UBAP1: variants seen among roughly 807,000 people sequenced by gnomAD.
The protein encoded by UBAP1 is ubiquitin-associated protein 1.
In UBAP1, 5 loss-of-function variants were observed where a neutral mutation model predicts 39.0. The ratio of observed to expected loss-of-function variants is 0.13; its 90% CI spans 0.07 to 0.27. The LOEUF is 0.27. Among genes scored for constraint, UBAP1 ranks in the 10% least tolerant of loss-of-function variants. The pLI, the probability that UBAP1 is intolerant of heterozygous loss-of-function variation, is 1.00. For synonymous variants in UBAP1, 211 were observed against 225.1 expected, an observed-to-expected ratio of 0.94 and a Z score of 0.56; for missense variants, 490 against 608.1, an observed-to-expected ratio of 0.81 and a Z score of 2.04.
chr9:34,200,305 G>A (rs549313112), intron 1 of UBAP1, among the ~76,000 whole-genome samples: 13 of 152,300 alleles, frequency 8.5e-5, no homozygotes, highest in African/African-American at 3.1e-4. Context: ...GCCATTGAGA[G>A]CTCTTTCAGA....
chr9:34,247,863 C>A (rs2131632038), intron 4 of UBAP1, among the ~76,000 whole-genome samples: 1 of 152,238 alleles, frequency 6.6e-6, no homozygotes, highest in South Asian at 2.1e-4. Context: ...TATTCCTATA[C>A]ATAAATATTG....
At chr9:34,200,140 G>A (rs1831288638) in intron 1 of UBAP1, among the ~76,000 whole-genome samples, 2 of 152,054 alleles carry the variant, frequency 1.3e-5, no homozygotes, top group South Asian at 2.1e-4. Flanking sequence ...TGTTTTCCTC[G>A]TAATTAGACT....
chr9:34,227,597 G>A (rs2131594662), intron 2 of UBAP1, among the ~76,000 whole-genome samples: 1 of 152,304 alleles, frequency 6.6e-6, no homozygotes, highest in African/African-American at 2.4e-5. Flanking sequence ...AGCAAATGAA[G>A]TCTTCCCAGA....
chr9:34,241,905 C>T lies in UBAP1; in HGVS notation c.880C>T (p.Arg294Cys), dbSNP rs752462139. ...ASTFHSTSCL[R>C]NGTFQNSLKP... ...CACTTTCCATAGCACATCCTGCCTC[C>T]GCAATGGCACGTTCCAGAATTCCCT... The change falls in exon 4 of 7, where the codon CGC (arginine) becomes TGC (cysteine). Residue 294 changes from arginine to cysteine, a missense_variant. Physicochemically the swap from Arg to Cys is radical, Grantham distance 180. This residue lies in a region of UBAP1 where 339 missense variants were observed against 390.0 expected (regional missense o/e 0.87). Transcript: ENST00000297661. 10 of 1,614,044 alleles carry T rather than the reference C, an allele frequency of 6.2e-6. No homozygotes were observed. Among genetic ancestry groups the T allele is most frequent in the Admixed American group, 3.3e-5 (2 of 59,984 alleles).
intron 1 of UBAP1, chr9:34,201,244 C>T (rs990244095): frequency 6.6e-6 from 1 of 152,054 alleles, no homozygotes; most frequent in Non-Finnish European, 1.5e-5. Flanking sequence ...TAGAAAGTTC[C>T]AAACTCATAA....
chr9:34,182,376 G>T (rs1431912800), intron 1 of UBAP1, among the ~76,000 whole-genome samples: 1 of 151,418 alleles, frequency 6.6e-6, no homozygotes, highest in East Asian at 2.0e-4. Flanking sequence ...GTAGCGACGG[G>T]GTTTCACAAC....
chr9:34,220,945 C>A lies in UBAP1; in HGVS notation c.31C>A (p.His11Asn), dbSNP rs1466695663. MASKKLGADF[H>N]GTFSYLDDVP... is the part of the protein sequence containing the mutation. ...TTCTAAGAAGTTGGGTGCAGATTTT[C>A]ATGGTAAGTGGACTATTAGAATCAT... Residue 11 changes from histidine (H) to asparagine (N), a missense_variant, in exon 2 of 7, where the codon CAT becomes AAT. Physicochemically the swap from His to Asn is moderately conservative, Grantham distance 68. This residue lies in a region of UBAP1 where 144 missense variants were observed against 184.4 expected (regional missense o/e 0.78). Coordinates refer to ENST00000297661, the MANE Select transcript of UBAP1 (RefSeq NM_016525.5). 6.2e-7 allele frequency: 1 copy of A among 1,612,666 alleles called. No homozygotes were observed. Among genetic ancestry groups the A allele is most frequent in the Non-Finnish European group, 8.5e-7 (1 of 1,179,074 alleles).
chr9:34,215,415 A>G (rs1372275014), intron 1 of UBAP1, among the ~76,000 whole-genome samples: 2 of 152,008 alleles, frequency 1.3e-5, no homozygotes, highest in Non-Finnish European at 2.9e-5. Context: ...AGACTGTTCT[A>G]AGTAAAGTAA....
intron 4 of UBAP1, among the ~76,000 whole-genome samples, chr9:34,243,588 C>T (rs529600904): frequency 5.6e-4 from 85 of 151,420 alleles, no homozygotes; most frequent in Middle Eastern, 3.4e-3. Context: ...CAGGGTCGGG[C>T]GATTGTCCTG....
chr9:34,206,491 CAGAGTG>C (rs1182142077), intron 1 of UBAP1, among the ~76,000 whole-genome samples: 2 of 151,534 alleles, frequency 1.3e-5, no homozygotes, highest in African/African-American at 4.9e-5. Flanking sequence ...GCATGGGTGA[CAGAGTG>C]AGACCCTGTC....
chr9:34,191,176 A>G (rs1246506929), intron 1 of UBAP1, among the ~76,000 whole-genome samples: 2 of 152,166 alleles, frequency 1.3e-5, no homozygotes, highest in Admixed American at 6.6e-5. Context: ...TAGGTCAGTG[A>G]TTCTCAAAGT....
intron 1 of UBAP1, among the ~76,000 whole-genome samples, chr9:34,194,476 G>A (rs143266939): frequency 0.011 from 1,739 of 151,984 alleles, 38 homozygotes; most frequent in African/African-American, 0.039. Context: ...CACCATGCCC[G>A]GCTAATTTTT....
chr9:34,184,926 C>CTTTTTTTTTTTTTTTTTTTTTTTTTTTTT (rs35634769), intron 1 of UBAP1, among the ~76,000 whole-genome samples: 1 of 105,032 alleles, frequency 9.5e-6, no homozygotes, highest in Non-Finnish European at 2.0e-5. Flanking sequence ...CCAGCCAATC[C>CTTTTTTTTTTTTTTTTTTTTTTTTTTTTT]TTTTTTTTTT....
intron 1 of UBAP1, among the ~76,000 whole-genome samples, chr9:34,218,909 G>C: frequency 6.6e-6 from 1 of 151,940 alleles, no homozygotes. Flanking sequence ...CTCCAGCCTG[G>C]GTGACAGCAA....
intron 3 of UBAP1, among the ~76,000 whole-genome samples, chr9:34,236,194 C>T (rs1323129144): frequency 6.6e-6 from 1 of 151,946 alleles, no homozygotes; most frequent in Non-Finnish European, 1.5e-5. Flanking sequence ...TTTTACTGTA[C>T]CTTTTCTATG....
At chr9:34,184,784 C>T (rs562870649) in intron 1 of UBAP1, among the ~76,000 whole-genome samples, 136 of 151,040 alleles carry the variant, frequency 9.0e-4, no homozygotes, top group South Asian at 2.3e-3. Flanking sequence ...CCACCATGTC[C>T]GGCTAATTTT....
intron 1 of UBAP1, among the ~76,000 whole-genome samples, chr9:34,200,045 A>G (rs936085185): frequency 2.6e-5 from 4 of 151,464 alleles, no homozygotes; most frequent in Admixed American, 1.3e-4. Context: ...CTGGTCTGTG[A>G]TAGTTTCTTA....
intron 1 of UBAP1, among the ~76,000 whole-genome samples, chr9:34,192,408 A>G (rs1461433623): frequency 6.6e-6 from 1 of 151,186 alleles, no homozygotes; most frequent in African/African-American, 2.4e-5. Context: ...CCAGCTACTC[A>G]GGAGGCTGAG....
At chr9:34,185,832 C>T (rs1382793663) in intron 1 of UBAP1, among the ~76,000 whole-genome samples, 3 of 152,126 alleles carry the variant, frequency 2.0e-5, no homozygotes, top group Non-Finnish European at 4.4e-5. Context: ...GCTGACAGAA[C>T]GCATCTCTGT....
Sources: allele counts gnomAD v4.1 joint callset (sites outside exome capture counted in the v4.1 genomes callset), GRCh38; gene constraint gnomAD v4.1.1; regional missense constraint gnomAD v4.1.1; transcripts MANE v1.5; gene names NCBI Gene and HGNC (gene_info 2026-07-23, HGNC 2026-07-21).